HFM1: variants seen among roughly 807,000 people sequenced by gnomAD.
HFM1 encodes the protein helicase for meiosis 1.
HFM1 carries 169 observed loss-of-function variants against 192.1 expected under a neutral mutation model. The ratio of observed to expected loss-of-function variants is 0.88; its 90% CI spans 0.78 to 1.00. The LOEUF is 1.00. Ranked by LOEUF, HFM1 falls within the 50% of genes least tolerant of loss-of-function variation. The pLI, the probability that HFM1 is intolerant of heterozygous loss-of-function variation, is 0.00. For missense variants in HFM1, 1,661 were observed against 1,668.0 expected (o/e 1.00, Z 0.07); for synonymous variants, 525 against 537.8 (o/e 0.98, Z 0.33).
chr1:91,358,962 C>T lies in HFM1; in HGVS notation c.1686-5663G>A, dbSNP rs573268793. On this transcript the variant is annotated intron_variant, in intron 13 of 38. Coordinates refer to ENST00000370425, the MANE Select transcript of HFM1 (RefSeq NM_001017975.6). ...TCTTCACTGGTGATATTTCCAGGTA[C>T]GGGAGAAACTGAGGCAACTAGGGTT... Among the ~76,000 whole-genome samples, 25 of 152,220 alleles carry T rather than the reference C, an allele frequency of 1.6e-4. No individual in the cohort carries two copies. The South Asian group carries it at 2.1e-3, about 13-fold the overall frequency.
At chr1:91,359,462 G>T (rs564309216) in intron 13 of HFM1, among the ~76,000 whole-genome samples, 1 of 151,214 alleles carries the variant, frequency 6.6e-6, no homozygotes, top group African/African-American at 2.4e-5. Flanking sequence ...CAATGCAATC[G>T]CAAGTATCAA....
At chr1:91,364,236 T>C (rs1658923038) in intron 13 of HFM1, among the ~76,000 whole-genome samples, 2 of 151,324 alleles carry the variant, frequency 1.3e-5, no homozygotes. Context: ...TGAAAAGGTG[T>C]TGAACATCAC....
chr1:91,407,010 T>C (rs943172026), upstream of HFM1, among the ~76,000 whole-genome samples: 13 of 152,212 alleles, frequency 8.5e-5, no homozygotes, highest in Admixed American at 3.3e-4. Flanking sequence ...AAGGCGCGCT[T>C]TCTTTCTTTC....
intron 3 of HFM1, among the ~76,000 whole-genome samples, chr1:91,395,132 C>T (rs117730200): frequency 1.3e-5 from 2 of 152,040 alleles, no homozygotes; most frequent in Non-Finnish European, 2.9e-5. Flanking sequence ...CATTAGGTCA[C>T]ATACATTGTT....
At chr1:91,366,040 G>A (rs1047860678) in intron 13 of HFM1, among the ~76,000 whole-genome samples, 6 of 151,640 alleles carry the variant, frequency 4.0e-5, no homozygotes, top group African/African-American at 1.5e-4. Flanking sequence ...AAAGAAGAGA[G>A]GAGAGTTAAA....
At chr1:91,385,127 T>A (rs1435453789) in intron 6 of HFM1, 60 bp downstream of exon 6, 1 of 964,488 alleles carries the variant, frequency 1.0e-6, no homozygotes, top group African/African-American at 1.7e-5. Context: ...ATTAAACAAA[T>A]GTTTTAAAAT....
rs756087240 is a variant in HFM1 at position 91,313,989 on chromosome 1, T to C, written c.3212A>G (p.Asp1071Gly). The C allele has an allele frequency of 1.1e-5, 17 of 1,606,724 alleles. No homozygotes were observed. Among genetic ancestry groups the C allele is most frequent in the Non-Finnish European group, 1.4e-5 (16 of 1,174,666 alleles). ...AGAACTTATTAGATTTATGCTAAGA[T>C]CTTCAGATTTAAGAGCTCTTTTCAC... ...IAVKRALKSE[D>G]LSINLISSEF... The change falls in exon 29 of 39, where the codon GAT becomes GGT. Residue 1071 changes from aspartate (D) to glycine (G), a missense_variant. Asp to Gly is a moderately conservative substitution (Grantham distance 94). Coordinates refer to ENST00000370425, the MANE Select transcript of HFM1 (RefSeq NM_001017975.6).
In HFM1 at chr1:91,380,149, A is replaced by C; in HGVS notation, c.961T>G (p.Leu321Val). ...VVFELAITRLLMEVPLPWLNI... is the reference protein window; with the variant it reads ...VVFELAITRLVMEVPLPWLNI... ...AACCATGGCAATGGTACTTCCATTA[A>C]CAATCTTGTTATAGCTAGTTCAAAC... is the stretch of plus-strand genomic sequence containing the variant. The change falls in exon 8 of 39, where the codon TTA (leucine) becomes GTA (valine). Residue 321 changes from leucine to valine, a missense_variant. By Grantham distance (32) the Leu-to-Val change is conservative. Coordinates refer to ENST00000370425, the MANE Select transcript of HFM1 (RefSeq NM_001017975.6). 6.7e-7 allele frequency: 1 copy of C among 1,497,910 alleles called. No individual in the cohort carries two copies. Among genetic ancestry groups the C allele is most frequent in the South Asian group, 1.2e-5 (1 of 82,900 alleles). The allele number at this position is 1,497,910 out of a possible 1,614,324, so 92.8% of individuals were successfully genotyped here.
chr1:91,391,949 C>T (rs189191509), intron 4 of HFM1, among the ~76,000 whole-genome samples: 14 of 152,270 alleles, frequency 9.2e-5, no homozygotes, highest in East Asian at 5.8e-4. Context: ...TATGAACAGA[C>T]GATTCTCAAA....
At chr1:91,400,596 C>T (rs1217967712) in intron 2 of HFM1, among the ~76,000 whole-genome samples, 2 of 152,072 alleles carry the variant, frequency 1.3e-5, no homozygotes, top group Non-Finnish European at 2.9e-5. Context: ...ATTCTCATGC[C>T]TCAGCCTCCC....
intron 30 of HFM1, among the ~76,000 whole-genome samples, chr1:91,278,049 G>A (rs980896283): frequency 1.1e-4 from 16 of 147,916 alleles, no homozygotes; most frequent in Admixed American, 3.5e-4. Context: ...GTAAGAATGA[G>A]GGTGGAGTTT....
intron 30 of HFM1, among the ~76,000 whole-genome samples, chr1:91,287,883 C>T (rs1053055315): frequency 8.6e-5 from 13 of 151,792 alleles, no homozygotes; most frequent in African/African-American, 1.9e-4. Flanking sequence ...CCTCAGGAGC[C>T]GATGCGATGA....
chr1:91,316,036 C>T, intron 27 of HFM1, 64 bp from the exon 28 acceptor site: 1 of 1,459,100 alleles, frequency 6.9e-7, no homozygotes, highest in South Asian at 1.2e-5. Context: ...TCAGCTGAAG[C>T]CTATTTATAG....
intron 13 of HFM1, among the ~76,000 whole-genome samples, chr1:91,366,530 T>TA (rs1261472235): frequency 3.3e-5 from 5 of 152,186 alleles, no homozygotes; most frequent in Admixed American, 6.5e-5. Context: ...CTACACGTTT[T>TA]AAAAAAATCC....
chr1:91,339,442 C>G (rs281949), intron 20 of HFM1, among the ~76,000 whole-genome samples: 151,975 of 152,158 alleles, frequency 1, 75,896 homozygotes, highest in Non-Finnish European at 1. Flanking sequence ...GCCATTTTAA[C>G]AAAGAACCAA....
intron 11 of HFM1, among the ~76,000 whole-genome samples, chr1:91,376,577 GAAA>G (rs1256923562): frequency 6.6e-6 from 1 of 151,542 alleles, no homozygotes. Context: ...AATAAGTTAA[GAAA>G]AATTTAGTAT....
intron 30 of HFM1, among the ~76,000 whole-genome samples, chr1:91,280,442 C>T (rs1346307181): frequency 3.3e-5 from 5 of 152,170 alleles, no homozygotes; most frequent in Non-Finnish European, 1.5e-5. Context: ...ACCATGGCAC[C>T]ATGGCAATTG....
At chr1:91,389,983 G>C (rs1557516972) in intron 4 of HFM1, among the ~76,000 whole-genome samples, 1 of 152,032 alleles carries the variant, frequency 6.6e-6, no homozygotes, top group Non-Finnish European at 1.5e-5. Context: ...TATATCCAAA[G>C]AATTGAAAAC....
At chr1:91,365,820 A>G (rs959256908) in intron 13 of HFM1, among the ~76,000 whole-genome samples, 2 of 152,164 alleles carry the variant, frequency 1.3e-5, no homozygotes, top group African/African-American at 2.4e-5. Flanking sequence ...TATCATAGAA[A>G]CATGGTGAGA....
Sources: gnomAD v4.1 joint callset for allele counts (sites outside exome capture counted in the v4.1 genomes callset) on GRCh38, gnomAD v4.1.1 for gene constraint, MANE v1.5 for transcripts, NCBI Gene and HGNC (gene_info 2026-07-23, HGNC 2026-07-21) for gene names.